Variants in SLC25A37 observed in about 807,000 individuals in gnomAD.
The protein encoded by SLC25A37 is mitoferrin-1.
SLC25A37 carries 17 observed loss-of-function variants against 31.0 expected under a neutral mutation model. The observed-to-expected ratio is 0.55, with a 90% CI of 0.38 to 0.82. The LOEUF (loss-of-function observed/expected upper bound fraction) is 0.82. Ranked by LOEUF, SLC25A37 falls within the 40% of genes least tolerant of loss-of-function variation. The probability of loss-of-function intolerance (pLI) is 0.00; values close to 1 mark genes in which losing one functional copy is unlikely to be tolerated. For missense variants in SLC25A37, 404 were observed against 465.8 expected (o/e 0.87, Z 1.22); for synonymous variants, 222 against 193.0 (o/e 1.15, Z -1.24).
At chr8:23,549,961 C>G (rs891526711) in intron 1 of SLC25A37, among the ~76,000 whole-genome samples, 1 of 137,626 alleles carries the variant, frequency 7.3e-6, no homozygotes, top group Non-Finnish European at 1.5e-5. Context: ...GCGGGCAGAT[C>G]CCCTGAGGTC....
chr8:23,572,017 C>T lies in SLC25A37; in HGVS notation c.*162C>T. The T allele has an allele frequency of 3.8e-6, 3 of 781,258 alleles. No individual in the cohort carries two copies. Among genetic ancestry groups the T allele is most frequent in the Admixed American group, 2.9e-5 (1 of 34,284 alleles). 48.4% of individuals were successfully genotyped at this position (781,258 alleles called of 1,614,324 possible). On this transcript the variant is annotated 3_prime_UTR_variant, in exon 4 of 4. Transcript: ENST00000519973. Reference sequence around the variant, plus strand: ...AGGAGGGGACGGCACGGCCGCTCACCGGAAGGCTGTGTGCGGGGACATCCG... The same window carrying T: ...AGGAGGGGACGGCACGGCCGCTCACTGGAAGGCTGTGTGCGGGGACATCCG...
chr8:23,568,014 G>A (rs2117458770), intron 2 of SLC25A37: 1 of 434,274 alleles, frequency 2.3e-6, no homozygotes, highest in Non-Finnish European at 4.3e-6. Context: ...AAAAAGCCAT[G>A]GTGTGTGGTT....
rs1802954898 is a variant in SLC25A37, at chr8:23,575,365, G to A, written c.*3510G>A. On this transcript the variant is annotated 3_prime_UTR_variant, in exon 4 of 4. Transcript: ENST00000519973. ...TCTCAATTGTTGCCAGCTCTTTGAA[G>A]AAGGGGAGAATTGTGTGTTTTTGTG... 1 of 152,228 alleles carries A rather than the reference G, an allele frequency of 6.6e-6. No individual in the cohort carries two copies. The highest frequency in any genetic ancestry group is 2.1e-4 in the South Asian group (1 of 4,838). 9.4% of individuals were successfully genotyped at this position (152,228 alleles called of 1,614,324 possible). A position where few individuals can be genotyped will look rare whatever the true frequency, so the allele number is the denominator to read the frequency against.
At chr8:23,549,519 A>T (rs1050999498) in intron 1 of SLC25A37, among the ~76,000 whole-genome samples, 2 of 152,200 alleles carry the variant, frequency 1.3e-5, no homozygotes, top group African/African-American at 4.8e-5. Flanking sequence ...CGGAGGCTGA[A>T]AGTCGAGTCT....
chr8:23,546,560 A>ATATATATATATATATATAGTGTG (rs1563256134), intron 1 of SLC25A37, among the ~76,000 whole-genome samples: 1 of 77,186 alleles, frequency 1.3e-5, no homozygotes, highest in Non-Finnish European at 2.2e-5. Flanking sequence ...TATAGTGTAT[A>ATATATATATATATATATAGTGTG]TATATATATA....
chr8:23,556,204 C>T (rs910935628), intron 1 of SLC25A37, among the ~76,000 whole-genome samples: 3 of 150,362 alleles, frequency 2.0e-5, no homozygotes, highest in African/African-American at 7.4e-5. Flanking sequence ...TTTTCTGTTG[C>T]TGGTTTCAAA....
chr8:23,563,755 G>C (rs1802576270), intron 1 of SLC25A37, among the ~76,000 whole-genome samples: 1 of 152,226 alleles, frequency 6.6e-6, no homozygotes, highest in Non-Finnish European at 1.5e-5. Context: ...GCCGAAGCAA[G>C]TGGATCTCGA....
intron 1 of SLC25A37, among the ~76,000 whole-genome samples, chr8:23,552,239 C>T (rs118143195): frequency 0.075 from 11,415 of 152,138 alleles, 461 homozygotes; most frequent in Non-Finnish European, 0.097. Context: ...AAAATAGTTC[C>T]GGTGAAGATA....
At chr8:23,540,588 C>G (rs1353778415) in intron 1 of SLC25A37, among the ~76,000 whole-genome samples, 1 of 152,230 alleles carries the variant, frequency 6.6e-6, no homozygotes, top group Non-Finnish European at 1.5e-5. Flanking sequence ...TCTGGCTTCT[C>G]TCTCTGAAAC....
chr8:23,564,527 A>AG (rs1285901755), intron 1 of SLC25A37, among the ~76,000 whole-genome samples: 1 of 151,136 alleles, frequency 6.6e-6, no homozygotes, highest in East Asian at 2.0e-4. Context: ...GAAGGAAAGG[A>AG]GGGAGGCAGG....
At chr8:23,543,670 G>T (rs1030815459) in intron 1 of SLC25A37, among the ~76,000 whole-genome samples, 13 of 152,170 alleles carry the variant, frequency 8.5e-5, no homozygotes, top group African/African-American at 3.1e-4. Flanking sequence ...GAGTTGCTGG[G>T]ACTACAGGCG....
intron 1 of SLC25A37, among the ~76,000 whole-genome samples, chr8:23,552,816 TCTAA>T (rs1802263383): frequency 1.3e-5 from 2 of 152,284 alleles, no homozygotes; most frequent in South Asian, 4.1e-4. Context: ...CCCGGGCAAG[TCTAA>T]CTGTTTGCTC....
intron 1 of SLC25A37, among the ~76,000 whole-genome samples, chr8:23,550,386 G>A (rs184203435): frequency 3.3e-5 from 5 of 152,252 alleles, no homozygotes; most frequent in Admixed American, 6.5e-5. Flanking sequence ...ACATGCAGAC[G>A]CATCACTTGG....
intron 1 of SLC25A37, among the ~76,000 whole-genome samples, chr8:23,536,754 G>T (rs1304964450): frequency 1.3e-5 from 2 of 152,146 alleles, no homozygotes; most frequent in Admixed American, 6.5e-5. Context: ...TCCCACTGCT[G>T]CCCTGTATGC....
chr8:23,544,494 G>A (rs942143938), intron 1 of SLC25A37, among the ~76,000 whole-genome samples: 12 of 152,140 alleles, frequency 7.9e-5, no homozygotes, highest in East Asian at 1.9e-4. Context: ...CACAACCCAG[G>A]CATTCCCCAT....
rs1239073148 is a variant in SLC25A37, at chr8:23,542,372, T to G, written c.210+13160T>G. 2.2e-5 allele frequency among the ~76,000 whole-genome samples: 3 copies of G among 135,908 alleles called. No individual in the cohort carries two copies. In the East Asian group the frequency reaches 6.9e-4, roughly 31 times the overall value. The allele number at this position is 135,908 out of a possible 152,430, so 89.2% of individuals were successfully genotyped here. ...TTTTTGTCATTACTTTAGAGTGTACTCCTACTTTTTTTTTTTTTTTTTTGA... is the reference window on the plus strand; with the variant it reads ...TTTTTGTCATTACTTTAGAGTGTACGCCTACTTTTTTTTTTTTTTTTTTGA... On this transcript the variant is annotated intron_variant, in intron 1 of 3. Coordinates refer to ENST00000519973, the MANE Select transcript of SLC25A37 (RefSeq NM_016612.4).
At position 23,571,579 on chromosome 8, in the gene SLC25A37, C is replaced by T. The variant is rs769234541; in HGVS notation, c.741C>T (p.Leu247=). The T allele has an allele frequency of 2.5e-6, 4 of 1,613,366 alleles. No individual in the cohort carries two copies. Among genetic ancestry groups the T allele is most frequent in the South Asian group, 1.1e-5 (1 of 91,068 alleles). ...TCTCAGGCGGGCTGGCCGGGGCCCT[C>T]GCCGCGGCCGCCACGACCCCCCTGG... The part of the protein sequence containing the change: ...HIISGGLAGA[L]AAAATTPLDV... Residue 247 remains leucine (L), a synonymous_variant, in exon 4 of 4, where the codon CTC becomes CTT. Coordinates refer to ENST00000519973, the MANE Select transcript of SLC25A37 (RefSeq NM_016612.4).
intron 1 of SLC25A37, among the ~76,000 whole-genome samples, chr8:23,548,186 TTTC>T (rs1471655324): frequency 2.6e-5 from 4 of 152,214 alleles, no homozygotes; most frequent in African/African-American, 4.8e-5. Context: ...TCTTTCTTTC[TTTC>T]TTTTTTTTGA....
intron 3 of SLC25A37, among the ~76,000 whole-genome samples, chr8:23,569,425 ACACT>A (rs1406438789): frequency 6.8e-6 from 1 of 146,266 alleles, no homozygotes; most frequent in Non-Finnish European, 1.5e-5. Context: ...ACACACACAC[ACACT>A]CACTCTCTTA....
Sources: gnomAD v4.1 joint callset for allele counts (sites outside exome capture counted in the v4.1 genomes callset) on GRCh38, gnomAD v4.1.1 for gene constraint, MANE v1.5 for transcripts, NCBI Gene and HGNC (gene_info 2026-07-23, HGNC 2026-07-21) for gene names.